The following VRTN variants were observed in gnomAD, a reference collection of about 807,000 sequenced individuals.
VRTN encodes the protein vertnin.
Under a neutral mutation model 18.2 loss-of-function variants are expected in VRTN, and 5 were observed. The observed-to-expected ratio is 0.27, with a 90% CI of 0.14 to 0.58. The LOEUF (loss-of-function observed/expected upper bound fraction) is 0.58, where lower values mean the gene tolerates loss of function less well. VRTN is among the 20% of genes least tolerant of loss of function. The probability of loss-of-function intolerance (pLI) is 0.91; values close to 1 mark genes in which losing one functional copy is unlikely to be tolerated. For synonymous variants in VRTN, 381 were observed against 393.7 expected (o/e 0.97, Z 0.38); for missense variants, 741 against 939.4 (o/e 0.79, Z 2.76).
In VRTN at chr14:74,321,406, G is replaced by A. The variant is rs57416499; in HGVS notation, c.-163-16317G>A. ...AACTGAGGCATGGAAAGGATGGGGT[G>A]GGGTACATGGACGTGGTCATAGGGC... is the stretch of plus-strand genomic sequence containing the variant. On this transcript the variant is annotated intron_variant, in intron 1 of 2. Coordinates refer to the VRTN transcript ENST00000557177. Among the ~76,000 whole-genome samples the A allele has an allele frequency of 4.8e-3, 726 of 152,240 alleles. 3 individuals are homozygous for A. Among genetic ancestry groups the A allele is most frequent in the African/African-American group, 0.017 (690 of 41,558 alleles).
chr14:74,308,576 G>A (rs1030857831), intron 1 of VRTN, among the ~76,000 whole-genome samples: 2 of 151,992 alleles, frequency 1.3e-5, no homozygotes, highest in Non-Finnish European at 2.9e-5. Context: ...GGGCAGTGGT[G>A]TGATCTCGGC....
At chr14:74,311,481 C>T (rs2085388586) in intron 1 of VRTN, among the ~76,000 whole-genome samples, 1 of 150,268 alleles carries the variant, frequency 6.7e-6, no homozygotes, top group Non-Finnish European at 1.5e-5. Flanking sequence ...AGTGCAGTGG[C>T]GTGATCTTGG....
intron 1 of VRTN, among the ~76,000 whole-genome samples, chr14:74,354,377 C>A (rs985476592): frequency 2.0e-5 from 3 of 150,106 alleles, no homozygotes; most frequent in East Asian, 1.9e-4. Flanking sequence ...TATCCATGAA[C>A]TTTTTGTACC....
intron 1 of VRTN, among the ~76,000 whole-genome samples, chr14:74,336,919 C>T (rs116930313): frequency 0.016 from 2,461 of 152,274 alleles, 33 homozygotes; most frequent in Middle Eastern, 0.037. Context: ...ACAACTCCCA[C>T]ACTTACTTCA....
chr14:74,353,221 G>A (rs1190902005), intron 1 of VRTN, among the ~76,000 whole-genome samples: 1 of 152,112 alleles, frequency 6.6e-6, no homozygotes, highest in Non-Finnish European at 1.5e-5. Context: ...CCCTGGGGGC[G>A]GAGGTTGTAG....
intron 1 of VRTN, among the ~76,000 whole-genome samples, chr14:74,334,876 G>C (rs1325506478): frequency 6.6e-6 from 1 of 152,152 alleles, no homozygotes. Flanking sequence ...TCTGGCAGTA[G>C]ATAAGAGTAG....
At chr14:74,328,868 C>T (rs2085503543) in intron 1 of VRTN, among the ~76,000 whole-genome samples, 1 of 152,152 alleles carries the variant, frequency 6.6e-6, no homozygotes, top group Non-Finnish European at 1.5e-5. Context: ...GGTGCAGTGG[C>T]TCACGCCTGT....
chr14:74,338,861 A>C (rs1234397307), intron 2 of VRTN, among the ~76,000 whole-genome samples: 1 of 152,166 alleles, frequency 6.6e-6, no homozygotes, highest in African/African-American at 2.4e-5. Flanking sequence ...AGTAGCTGGG[A>C]CTACAGGTGT....
rs187191889 is a variant in VRTN, at chr14:74,342,788, C to T, written c.-2+4904C>T. Among the ~76,000 whole-genome samples the T allele has an allele frequency of 6.9e-3, 1,048 of 151,982 alleles. 11 individuals carry two copies. Among genetic ancestry groups the T allele is most frequent in the African/African-American group, 0.024 (996 of 41,424 alleles). ...TGACACCACACAGGGCTAACTTTTT[C>T]TTTTTTACTTTTGTGGAGACAAGGT... On this transcript the variant is annotated intron_variant, in intron 2 of 2. Transcript: ENST00000557177.
chr14:74,341,814 T>G (rs577066889), intron 2 of VRTN, among the ~76,000 whole-genome samples: 2 of 152,204 alleles, frequency 1.3e-5, no homozygotes, highest in East Asian at 1.9e-4. Flanking sequence ...CCACCACACC[T>G]GGCCGCATGT....
chr14:74,312,954 G>A (rs1183394304), intron 1 of VRTN, among the ~76,000 whole-genome samples: 2 of 151,960 alleles, frequency 1.3e-5, no homozygotes, highest in Non-Finnish European at 2.9e-5. Context: ...TGTTGGTCAG[G>A]CTGGTCTCGA....
intron 1 of VRTN, among the ~76,000 whole-genome samples, chr14:74,307,989 A>G (rs981557830): frequency 6.6e-5 from 10 of 152,144 alleles, no homozygotes; most frequent in Non-Finnish European, 1.5e-4. Context: ...CAGCCTCCCA[A>G]AGTGCTGGGA....
intron 1 of VRTN, among the ~76,000 whole-genome samples, chr14:74,325,130 C>T (rs898684349): frequency 6.6e-6 from 1 of 151,952 alleles, no homozygotes; most frequent in Admixed American, 6.6e-5. Context: ...CAATGGAGGG[C>T]CTAATAAAGT....
chr14:74,319,431 T>C (rs1484433020), intron 1 of VRTN, among the ~76,000 whole-genome samples: 1 of 152,222 alleles, frequency 6.6e-6, no homozygotes, highest in Non-Finnish European at 1.5e-5. Flanking sequence ...CAAGTGTGGT[T>C]CTGCAGCTCA....
At chr14:74,320,689 C>A (rs1437024598) in intron 1 of VRTN, among the ~76,000 whole-genome samples, 1 of 139,400 alleles carries the variant, frequency 7.2e-6, no homozygotes, top group African/African-American at 2.7e-5. Flanking sequence ...CGGGTTCAAG[C>A]GATTCTCCTG....
rs1206664814 is a variant in VRTN, at chr14:74,318,398, G to A, written c.-164+15222G>A. On this transcript the variant is annotated intron_variant, in intron 1 of 2. Coordinates refer to the VRTN transcript ENST00000557177. ...TGATTCTCCTGCCTCAGCCTCCCGA[G>A]TAGCTGAGATTACAAGCATGCGCCA... is the stretch of plus-strand genomic sequence containing the variant. Among the ~76,000 whole-genome samples, 19 of 151,716 alleles carry A rather than the reference G, an allele frequency of 1.3e-4. 1 individual carries two copies. Among genetic ancestry groups the A allele is most frequent in the Admixed American group, 1.2e-3 (19 of 15,210 alleles).
At chr14:74,345,817 G>A (rs1222403516), upstream of VRTN, among the ~76,000 whole-genome samples, 1 of 151,338 alleles carries the variant, frequency 6.6e-6, no homozygotes, top group Non-Finnish European at 1.5e-5. Context: ...CCAGCTACTG[G>A]GGAGGCTTAG....
At chr14:74,328,180 G>C (rs1322348211) in intron 1 of VRTN, among the ~76,000 whole-genome samples, 1 of 152,166 alleles carries the variant, frequency 6.6e-6, no homozygotes, top group African/African-American at 2.4e-5. Flanking sequence ...TATATCAAAA[G>C]GTACCCTGCA....
intron 1 of VRTN, among the ~76,000 whole-genome samples, chr14:74,309,238 G>A (rs914325357): frequency 2.0e-5 from 3 of 151,808 alleles, no homozygotes; most frequent in Non-Finnish European, 4.4e-5. Context: ...CATTTTGTGC[G>A]TTTACTTCAT....
Sources: gnomAD v4.1 joint callset for allele counts (sites outside exome capture counted in the v4.1 genomes callset) on GRCh38, gnomAD v4.1.1 for gene constraint, MANE v1.5 for transcripts, NCBI Gene and HGNC (gene_info 2026-07-23, HGNC 2026-07-21) for gene names.